Variants in DNAH8 observed in about 807,000 individuals in gnomAD.
DNAH8 encodes dynein axonemal heavy chain 8, also known as axonemal beta dynein heavy chain 8.
In DNAH8, 382 loss-of-function variants were observed where a neutral mutation model predicts 562.1. The ratio of observed to expected loss-of-function variants is 0.68; its 90% CI spans 0.63 to 0.74. DNAH8 has a LOEUF of 0.74. Among genes scored for constraint, DNAH8 ranks in the 30% least tolerant of loss-of-function variants. The pLI, the probability that DNAH8 is intolerant of heterozygous loss-of-function variation, is 0.00. For synonymous variants in DNAH8, 1,881 were observed against 1,919.4 expected (o/e 0.98, Z 0.52); for missense variants, 5,203 against 5,620.4 (o/e 0.93, Z 2.37).
At position 38,929,505 on chromosome 6, in the gene DNAH8, G is replaced by A. The variant is rs1561875943; in HGVS notation, c.11119-6G>A. On this transcript the variant is annotated splice_polypyrimidine_tract_variant and splice_region_variant and intron_variant, in intron 74 of 92. Transcript: ENST00000327475. The stretch of plus-strand genomic sequence containing the variant: ...ACAGATAGACCAATGAGTTCTTTCT[G>A]TTTAGGTGACATCTCTGAACCATAA... The A allele has an allele frequency of 6.2e-7, 1 of 1,606,928 alleles. No individual in the cohort carries two copies. Among genetic ancestry groups the A allele is most frequent in the Admixed American group, 1.7e-5 (1 of 59,110 alleles).
chr6:38,727,558 C>G (rs1187578170), intron 3 of DNAH8, among the ~76,000 whole-genome samples: 1 of 152,234 alleles, frequency 6.6e-6, no homozygotes, highest in African/African-American at 2.4e-5. Context: ...CTCTTCAGTC[C>G]TTGGGGGATC....
At chr6:38,930,177 T>C (rs1344098359) in intron 75 of DNAH8, among the ~76,000 whole-genome samples, 1 of 152,164 alleles carries the variant, frequency 6.6e-6, no homozygotes, top group Admixed American at 6.5e-5. Flanking sequence ...GATTTGGTCA[T>C]TTATCTCTTT....
chr6:38,778,328 T>A, intron 13 of DNAH8, 60 bp from the exon 14 acceptor site: 1 of 927,386 alleles, frequency 1.1e-6, no homozygotes, highest in South Asian at 1.6e-5. Context: ...TTAACTGTTG[T>A]TAAACAAAAC....
Position 38,736,194 on chromosome 6 carries a change from G to T in DNAH8, c.763-873G>T, listed in dbSNP as rs114795176. 4.1e-3 allele frequency among the ~76,000 whole-genome samples: 624 copies of T among 151,564 alleles called. 6 individuals carry two copies. The highest frequency in any genetic ancestry group is 0.014 in the African/African-American group (593 of 41,404). On this transcript the variant is annotated intron_variant, in intron 5 of 92. Transcript: ENST00000327475. The stretch of plus-strand genomic sequence containing the variant: ...AAGGTGATAATTTCGCTCTTTTTCT[G>T]CCTTCTGACCCTTGTTTCTCCATCC...
intron 59 of DNAH8, 121 bp downstream of exon 59, chr6:38,894,985 A>G: frequency 4.9e-6 from 5 of 1,016,244 alleles, no homozygotes; most frequent in Non-Finnish European, 6.9e-6. Flanking sequence ...CTGGAGTGCA[A>G]TGGTGCGATC....
chr6:38,832,098 C>T (rs1188270602), intron 30 of DNAH8, among the ~76,000 whole-genome samples: 1 of 152,078 alleles, frequency 6.6e-6, no homozygotes, highest in East Asian at 1.9e-4. Flanking sequence ...CTGGATCAAC[C>T]AGAAACAGTT....
intron 82 of DNAH8, among the ~76,000 whole-genome samples, chr6:38,964,451 C>G (rs1389434853): frequency 6.7e-6 from 1 of 148,958 alleles, no homozygotes; most frequent in East Asian, 2.0e-4. Flanking sequence ...GCGCCCCTCA[C>G]TGGGAGTCCT....
intron 76 of DNAH8, among the ~76,000 whole-genome samples, 178 bp from the exon 77 acceptor site, chr6:38,935,414 T>C (rs1782870784): frequency 6.6e-6 from 1 of 152,170 alleles, no homozygotes; most frequent in Admixed American, 6.5e-5. Flanking sequence ...TTTAAAAAAA[T>C]TTCCACAGAA....
rs572129690 is a variant in DNAH8, at chr6:38,716,353, C to T, written c.-35+938C>T. On this transcript the variant is annotated intron_variant, in intron 1 of 92. Transcript: ENST00000327475. ...CCCGTTCCTCTACCCTTCTCATTCC[C>T]CTCTAGCCCAAAAGTCTCATCACTG... 2.6e-5 allele frequency among the ~76,000 whole-genome samples: 4 copies of T among 152,184 alleles called. No homozygotes were observed. The South Asian group carries it at 6.2e-4, about 24-fold the overall frequency.
At chr6:38,751,867 A>G (rs1315346298) in intron 9 of DNAH8, among the ~76,000 whole-genome samples, 2 of 152,198 alleles carry the variant, frequency 1.3e-5, no homozygotes, top group Non-Finnish European at 2.9e-5. Context: ...AATCATTTGT[A>G]GGCAGGAGGG....
At chr6:38,767,675 A>C (rs9380770) in intron 11 of DNAH8, among the ~76,000 whole-genome samples, 1 of 152,250 alleles carries the variant, frequency 6.6e-6, no homozygotes, top group East Asian at 1.9e-4. Flanking sequence ...TGTATAGTCC[A>C]TATATTTTTA....
In DNAH8 at chr6:38,823,615, C is replaced by G. The variant is rs962157263; in HGVS notation, c.3774C>G (p.His1258Gln). The change falls in exon 28 of 93, where the codon CAC becomes CAG. Residue 1258 changes from histidine (H) to glutamine (Q), a missense_variant. His to Gln is a conservative substitution (Grantham distance 24, BLOSUM62 0). Around this residue, in one of 6 missense-constraint regions of DNAH8, gnomAD observed 2,176 missense variants for 2,365.1 expected, o/e 0.92. Transcript: ENST00000327475. ...SLTEIRSEIL[H>Q]YATFEQEIDE... ...CTGAAATCAGATCAGAAATTCTACA[C>G]TATGCTACTTTTGAACAGGAGATTG... The G allele has an allele frequency of 2.5e-6, 4 of 1,609,610 alleles. No homozygotes were observed. The highest frequency in any genetic ancestry group is 3.4e-6 in the Non-Finnish European group (4 of 1,176,176).
Position 38,853,265 on chromosome 6 carries a change from A to G in DNAH8, c.5651A>G (p.His1884Arg). 6.2e-7 allele frequency: 1 copy of G among 1,613,516 alleles called. No individual in the cohort carries two copies. The change falls in exon 41 of 93, where the codon CAT (histidine) becomes CGT (arginine). Residue 1884 changes from histidine (H) to arginine (R), a missense_variant. By Grantham distance (29) the His-to-Arg change is conservative. Around this residue, in one of 6 missense-constraint regions of DNAH8, gnomAD observed 2,176 missense variants for 2,365.1 expected, o/e 0.92. Transcript: ENST00000327475. ...DLLKMQMSSL[H>R]NIIRSAFYQI... is the part of the protein sequence containing the mutation. ...TTAAAAATGCAGATGTCATCATTAC[A>G]TAATATAATTAGATCCGCTTTCTAT...
At chr6:38,921,606 A>T in intron 71 of DNAH8, 100 bp downstream of exon 71, 3 of 1,297,048 alleles carry the variant, frequency 2.3e-6, no homozygotes, top group Non-Finnish European at 3.1e-6. Flanking sequence ...ATGAAAAAAT[A>T]TTGGCCAGCA....
At chr6:38,796,701 C>T (rs1350285064) in intron 21 of DNAH8, among the ~76,000 whole-genome samples, 1 of 152,150 alleles carries the variant, frequency 6.6e-6, no homozygotes, top group East Asian at 1.9e-4. Context: ...GTACCCACTG[C>T]TTGTTCAGTC....
At chr6:38,755,077 G>T (rs1161233989) in intron 9 of DNAH8, among the ~76,000 whole-genome samples, 1 of 151,958 alleles carries the variant, frequency 6.6e-6, no homozygotes, top group African/African-American at 2.4e-5. Context: ...TTTTCTCCAT[G>T]GTTGGTTTAT....
At chr6:38,812,841 C>T (rs1009531585) in intron 24 of DNAH8, among the ~76,000 whole-genome samples, 1 of 152,046 alleles carries the variant, frequency 6.6e-6, no homozygotes, top group Non-Finnish European at 1.5e-5. Flanking sequence ...CATCTCTGAG[C>T]GGAGTGACTC....
intron 3 of DNAH8, among the ~76,000 whole-genome samples, chr6:38,723,970 TTTAATTAA>T (rs68148878): frequency 2.4e-4 from 34 of 142,300 alleles, no homozygotes; most frequent in Non-Finnish European, 3.0e-4. Context: ...TCTTTTTAAA[TTTAATTAA>T]TTAATTAATT....
chr6:38,989,081 G>C lies in DNAH8; in HGVS notation c.13054-931G>C, dbSNP rs115599064. On this transcript the variant is annotated intron_variant, in intron 87 of 92. Coordinates refer to ENST00000327475, the MANE Select transcript of DNAH8 (RefSeq NM_001206927.2). Reference sequence around the variant, plus strand: ...TAAAACAGAGAGAATCAGTACACAGGGTATTTCAGAGCAATCACTGGATCT... The same window carrying C: ...TAAAACAGAGAGAATCAGTACACAGCGTATTTCAGAGCAATCACTGGATCT... Among the ~76,000 whole-genome samples, 472 of 152,288 alleles carry C rather than the reference G, an allele frequency of 3.1e-3. 6 individuals are homozygous for C. Among genetic ancestry groups the C allele is most frequent in the African/African-American group, 0.01 (435 of 41,546 alleles).
Sources: allele counts gnomAD v4.1 joint callset (sites outside exome capture counted in the v4.1 genomes callset), GRCh38; gene constraint gnomAD v4.1.1; regional missense constraint gnomAD v4.1.1; transcripts MANE v1.5; gene names NCBI Gene and HGNC (gene_info 2026-07-23, HGNC 2026-07-21).